Variants in SORCS1 observed in about 807,000 individuals in gnomAD.
SORCS1 encodes sortilin related VPS10 domain containing receptor 1.
In SORCS1, 60 loss-of-function variants were observed where a neutral mutation model predicts 146.1. That is an observed-to-expected ratio of 0.41 (90% confidence interval 0.33 to 0.51). The LOEUF (loss-of-function observed/expected upper bound fraction) is 0.51, where lower values mean the gene tolerates loss of function less well. SORCS1 is among the 20% of genes least tolerant of loss of function. The pLI is 0.21. For missense variants in SORCS1, 1,352 were observed against 1,487.6 expected (o/e 0.91, Z 1.50); for synonymous variants, 637 against 584.0 (o/e 1.09, Z -1.31).
chr10:107,127,670 T>C (rs959260576), intron 1 of SORCS1, among the ~76,000 whole-genome samples: 2 of 152,210 alleles, frequency 1.3e-5, no homozygotes, highest in Non-Finnish European at 1.5e-5. Flanking sequence ...GCTTCCATCC[T>C]GCATAGACAG....
At chr10:106,857,586 G>T (rs907934535) in intron 2 of SORCS1, among the ~76,000 whole-genome samples, 1 of 152,210 alleles carries the variant, frequency 6.6e-6, no homozygotes, top group Non-Finnish European at 1.5e-5. Flanking sequence ...GGCGCATTGG[G>T]TGCATCACAG....
chr10:106,641,856 A>G (rs1849091635), intron 18 of SORCS1, among the ~76,000 whole-genome samples: 1 of 152,102 alleles, frequency 6.6e-6, no homozygotes, highest in South Asian at 2.1e-4. Flanking sequence ...ATAAGGTGTT[A>G]GGCACTTTCT....
At chr10:106,840,682 G>A (rs1316237845) in intron 2 of SORCS1, among the ~76,000 whole-genome samples, 1 of 151,868 alleles carries the variant, frequency 6.6e-6, no homozygotes, top group Non-Finnish European at 1.5e-5. Context: ...TTTCATGAAA[G>A]GAAGAGTCAA....
intron 1 of SORCS1, among the ~76,000 whole-genome samples, chr10:106,964,646 C>A (rs1439563678): frequency 6.6e-6 from 1 of 152,048 alleles, no homozygotes; most frequent in Non-Finnish European, 1.5e-5. Context: ...GCCACCACAC[C>A]TGGCAAATTT....
intron 3 of SORCS1, among the ~76,000 whole-genome samples, chr10:106,800,907 C>A (rs1382375479): frequency 1.3e-5 from 2 of 152,114 alleles, no homozygotes; most frequent in Non-Finnish European, 2.9e-5. Flanking sequence ...GATTAGGTGA[C>A]CTTCCTCAGT....
chr10:107,027,139 G>C (rs1958443624), intron 1 of SORCS1, among the ~76,000 whole-genome samples: 1 of 150,252 alleles, frequency 6.7e-6, no homozygotes, highest in East Asian at 1.9e-4. Flanking sequence ...ACTTCTCTCT[G>C]AAGGCATGAC....
chr10:106,579,147 G>A (rs536446709), intron 25 of SORCS1: 1 of 1,614,078 alleles, frequency 6.2e-7, no homozygotes, highest in South Asian at 1.1e-5. Flanking sequence ...CCTTAGTTCA[G>A]TCTGAGGGAC....
At chr10:106,828,713 AGTT>A (rs920468318) in intron 3 of SORCS1, among the ~76,000 whole-genome samples, 1 of 152,234 alleles carries the variant, frequency 6.6e-6, no homozygotes, top group African/African-American at 2.4e-5. Flanking sequence ...TGATAATGCA[AGTT>A]TATGAAAATA....
chr10:107,174,048 G>A, the SORCS1 span, among the ~76,000 whole-genome samples: 11 of 152,112 alleles, frequency 7.2e-5, no homozygotes, highest in African/African-American at 2.4e-4. Context: ...TAATAGGATT[G>A]CATTGTATGT....
chr10:106,669,948 A>C (rs1851462026), intron 16 of SORCS1, among the ~76,000 whole-genome samples: 1 of 152,232 alleles, frequency 6.6e-6, no homozygotes, highest in South Asian at 2.1e-4. Context: ...GTGTATGTAC[A>C]CAGTATCTCA....
At chr10:106,587,554 G>A (rs866994961) in intron 24 of SORCS1, among the ~76,000 whole-genome samples, 2 of 152,238 alleles carry the variant, frequency 1.3e-5, no homozygotes, top group Non-Finnish European at 1.5e-5. Flanking sequence ...GAAATTTGAA[G>A]TTTCTTATTC....
chr10:107,084,432 TA>T (rs1554944141), intron 1 of SORCS1, among the ~76,000 whole-genome samples: 6 of 152,048 alleles, frequency 3.9e-5, no homozygotes, highest in Non-Finnish European at 4.4e-5. Context: ...ACAAGAACTA[TA>T]CTATTTCTCA....
chr10:107,131,094 A>G (rs973252760), intron 1 of SORCS1, among the ~76,000 whole-genome samples: 1 of 152,236 alleles, frequency 6.6e-6, no homozygotes, highest in African/African-American at 2.4e-5. Context: ...CACCACGTGT[A>G]GGTGTCCAGG....
chr10:107,150,386 C>G (rs1968684236), intron 1 of SORCS1, among the ~76,000 whole-genome samples: 1 of 152,206 alleles, frequency 6.6e-6, no homozygotes, highest in South Asian at 2.1e-4. Context: ...TGCATAAATA[C>G]TACATGAACC....
chr10:106,775,269 G>A (rs1370116822), intron 4 of SORCS1, among the ~76,000 whole-genome samples: 4 of 152,116 alleles, frequency 2.6e-5, no homozygotes, highest in South Asian at 2.1e-4. Flanking sequence ...GTCAGGCTTC[G>A]CCTCTGTTAA....
chr10:106,927,286 C>G (rs1033614827), intron 2 of SORCS1, among the ~76,000 whole-genome samples: 10 of 152,062 alleles, frequency 6.6e-5, no homozygotes, highest in Admixed American at 2.0e-4. Flanking sequence ...GGTTCGTGGT[C>G]TTGCTGGCTC....
At chr10:107,133,191 A>G (rs996655153) in intron 1 of SORCS1, among the ~76,000 whole-genome samples, 1 of 152,176 alleles carries the variant, frequency 6.6e-6, no homozygotes, top group Admixed American at 6.5e-5. Flanking sequence ...TCCTGCAGAG[A>G]AACTATGAGA....
At chr10:106,800,667 G>A (rs907437700) in intron 3 of SORCS1, among the ~76,000 whole-genome samples, 4 of 151,652 alleles carry the variant, frequency 2.6e-5, no homozygotes, top group South Asian at 2.1e-4. Flanking sequence ...GACTACAGGC[G>A]CACACCGCCA....
intron 3 of SORCS1, among the ~76,000 whole-genome samples, chr10:106,784,684 G>T (rs374788732): frequency 1.3e-5 from 2 of 152,190 alleles, no homozygotes; most frequent in South Asian, 2.1e-4. Flanking sequence ...AAGGAGCCAT[G>T]ATGCTAAGAG....
Sources: gnomAD v4.1 joint callset for allele counts (sites outside exome capture counted in the v4.1 genomes callset) on GRCh38, gnomAD v4.1.1 for gene constraint, MANE v1.5 for transcripts, NCBI Gene and HGNC (gene_info 2026-07-23, HGNC 2026-07-21) for gene names.